The following ARHGAP10 variants were observed in gnomAD, a reference collection of about 807,000 sequenced individuals.
ARHGAP10 encodes rho GTPase-activating protein 10.
In ARHGAP10, 87 loss-of-function variants were observed where a neutral mutation model predicts 108.6. That is an observed-to-expected ratio of 0.80 (90% CI 0.67 to 0.96). The LOEUF is 0.96. Among genes scored for constraint, ARHGAP10 ranks in the 40% least tolerant of loss-of-function variants. The pLI is 0.00. For missense variants in ARHGAP10, 939 were observed against 954.5 expected (o/e 0.98, Z 0.21); for synonymous variants, 347 against 341.1 (o/e 1.02, Z -0.19).
Position 148,023,395 on chromosome 4 carries a change from T to C in ARHGAP10, c.1849T>C (p.Cys617Arg). 6.2e-7 allele frequency: 1 copy of C among 1,613,664 alleles called. No homozygotes were observed. Among genetic ancestry groups the C allele is most frequent in the Middle Eastern group, 1.7e-4 (1 of 6,054 alleles). Residue 617 changes from cysteine (C) to arginine (R), a missense_variant, in exon 19 of 23, where the codon TGT becomes CGT. Physicochemically the swap from Cys to Arg is radical, Grantham distance 180. Coordinates refer to ENST00000336498, the MANE Select transcript of ARHGAP10 (RefSeq NM_024605.4). ...TKRPVAVYNL[C>R]LELEDGDNPY... ...GAGGCCCGTGGCCGTCTACAATCTTTGTCTGGAGCTGGAAGATGGTAAGAT... is the reference window on the plus strand; with the variant it reads ...GAGGCCCGTGGCCGTCTACAATCTTCGTCTGGAGCTGGAAGATGGTAAGAT...
At chr4:147,852,824 T>TA (rs1579117724) in intron 4 of ARHGAP10, among the ~76,000 whole-genome samples, 1 of 151,230 alleles carries the variant, frequency 6.6e-6, no homozygotes, top group African/African-American at 2.4e-5. Context: ...GTTCAAGTGA[T>TA]TCTCGTGCCT....
intron 12 of ARHGAP10, among the ~76,000 whole-genome samples, 167 bp downstream of exon 12, chr4:147,909,944 C>T (rs181432165): frequency 1.7e-4 from 26 of 152,254 alleles, no homozygotes; most frequent in African/African-American, 5.3e-4. Context: ...TTTTACTCAA[C>T]GGGGACCTCC....
intron 1 of ARHGAP10, among the ~76,000 whole-genome samples, chr4:147,742,072 A>G (rs1403267079): frequency 2.0e-5 from 3 of 152,126 alleles, no homozygotes; most frequent in African/African-American, 7.2e-5. Flanking sequence ...GTGGCAAGTC[A>G]TGGTGAGATG....
At chr4:147,841,888 T>G (rs528683473) in intron 3 of ARHGAP10, among the ~76,000 whole-genome samples, 1 of 152,184 alleles carries the variant, frequency 6.6e-6, no homozygotes. Flanking sequence ...TTTTGGAAAT[T>G]TGCTTACCGA....
At chr4:147,785,403 C>A (rs1032509346) in intron 1 of ARHGAP10, among the ~76,000 whole-genome samples, 3 of 152,054 alleles carry the variant, frequency 2.0e-5, no homozygotes, top group Non-Finnish European at 4.4e-5. Context: ...GCCTTGAGAA[C>A]TTTAGGCATA....
In ARHGAP10 at chr4:147,895,512, CAAA is replaced by C. The variant is rs70958593; in HGVS notation, c.1035-11105_1035-11103del. On this transcript the variant is annotated intron_variant, in intron 10 of 22. Transcript: ENST00000336498. ...GTAATGAGATAATGAGACCCTGTCT[CAAA>C]AAAAAAAAAAAAAAAAAAAATTAGC... Among the ~76,000 whole-genome samples the C allele has an allele frequency of 7.6e-3, 652 of 85,270 alleles. 4 individuals are homozygous for C. The highest frequency in any genetic ancestry group is 0.031 in the African/African-American group (626 of 20,260). 55.9% of individuals were successfully genotyped at this position (85,270 alleles called of 152,430 possible).
At chr4:148,062,348 C>T (rs1401882463) in intron 20 of ARHGAP10, among the ~76,000 whole-genome samples, 3 of 152,292 alleles carry the variant, frequency 2.0e-5, no homozygotes, top group Non-Finnish European at 4.4e-5. Flanking sequence ...TAGCAGAAGA[C>T]GGGGTATCTT....
intron 17 of ARHGAP10, among the ~76,000 whole-genome samples, chr4:147,965,511 A>C (rs968142465): frequency 2.0e-5 from 3 of 152,172 alleles, no homozygotes; most frequent in African/African-American, 7.2e-5. Flanking sequence ...TATTTTATAG[A>C]TTTCATTCCC....
At chr4:147,985,139 G>A (rs1739987211) in intron 18 of ARHGAP10, among the ~76,000 whole-genome samples, 1 of 152,130 alleles carries the variant, frequency 6.6e-6, no homozygotes. Flanking sequence ...GAGCAGAGAG[G>A]GCCCTGCTGC....
intron 20 of ARHGAP10, among the ~76,000 whole-genome samples, chr4:148,049,298 C>T (rs1005186168): frequency 6.6e-5 from 10 of 152,146 alleles, no homozygotes; most frequent in South Asian, 2.1e-4. Context: ...TCCCAGGTGA[C>T]GATGAATGAG....
At chr4:148,043,299 C>T (rs974036834) in intron 19 of ARHGAP10, among the ~76,000 whole-genome samples, 1 of 151,868 alleles carries the variant, frequency 6.6e-6, no homozygotes, top group Non-Finnish European at 1.5e-5. Flanking sequence ...TCCTTTGGTA[C>T]CATTTTTGTT....
In ARHGAP10 at chr4:147,946,490, A is replaced by ATG. The variant is rs1738384460; in HGVS notation, c.1304-127_1304-126insTG. 32 of 654,328 alleles carry ATG rather than the reference A, an allele frequency of 4.9e-5. No homozygotes were observed. In the South Asian group the frequency reaches 6.9e-4, roughly 14 times the overall value. 40.5% of individuals were successfully genotyped at this position (654,328 alleles called of 1,614,324 possible). ...AGTATTTTAGAGAAATCATATATATAATGTTTTCCTAGGAAACTGCAGGAT... is the reference window on the plus strand; with the variant it reads ...AGTATTTTAGAGAAATCATATATATATGATGTTTTCCTAGGAAACTGCAGGAT... On this transcript the variant is annotated intron_variant, in intron 14 of 22. Coordinates refer to ENST00000336498, the MANE Select transcript of ARHGAP10 (RefSeq NM_024605.4).
chr4:147,999,516 C>T (rs1578775108), intron 18 of ARHGAP10, among the ~76,000 whole-genome samples: 1 of 152,192 alleles, frequency 6.6e-6, no homozygotes, highest in South Asian at 2.1e-4. Context: ...CTGCTGTGCT[C>T]CTGATCCAGT....
intron 18 of ARHGAP10, among the ~76,000 whole-genome samples, chr4:147,981,574 A>C (rs1739808084): frequency 6.6e-6 from 1 of 152,194 alleles, no homozygotes; most frequent in Non-Finnish European, 1.5e-5. Context: ...AGGTCCGGTT[A>C]GTCAAGTGTT....
At chr4:147,863,309 AAC>A (rs1734406671) in intron 5 of ARHGAP10, 1 of 152,210 alleles carries the variant, frequency 6.6e-6, no homozygotes, top group Non-Finnish European at 1.5e-5. Flanking sequence ...CTATGAATTT[AAC>A]TACTCTAGGT....
intron 1 of ARHGAP10, among the ~76,000 whole-genome samples, chr4:147,748,915 T>TGG (rs1729038380): frequency 6.6e-6 from 1 of 152,116 alleles, no homozygotes; most frequent in African/African-American, 2.4e-5. Flanking sequence ...GCTGTGATCA[T>TGG]GCCACTGTAT....
chr4:147,837,643 G>GTTTTT (rs59933316), intron 3 of ARHGAP10, among the ~76,000 whole-genome samples: 1,114 of 70,212 alleles, frequency 0.016, 56 homozygotes, highest in African/African-American at 0.039. Flanking sequence ...TCTGGTCACT[G>GTTTTT]TTTTTTTTTT....
chr4:147,811,390 C>T (rs940011918), intron 1 of ARHGAP10, among the ~76,000 whole-genome samples: 3 of 152,176 alleles, frequency 2.0e-5, no homozygotes, highest in Non-Finnish European at 2.9e-5. Context: ...GTTTGGTCTA[C>T]CTGAGGCATG....
rs1317088423 is a variant in ARHGAP10, at chr4:147,732,236, C to T, written c.-66C>T. The T allele has an allele frequency of 2.8e-6, 4 of 1,430,798 alleles. No individual in the cohort carries two copies. The highest frequency in any genetic ancestry group is 2.9e-5 in the East Asian group (1 of 34,902). 88.6% of individuals were successfully genotyped at this position (1,430,798 alleles called of 1,614,324 possible). A position where few individuals can be genotyped will look rare whatever the true frequency, so the allele number is the denominator to read the frequency against. On this transcript the variant is annotated 5_prime_UTR_variant, in exon 1 of 23. Transcript: ENST00000336498. Reference sequence around the variant, plus strand: ...GAACGCGCGGCGCCGCACCTGGCAGCGGCCTCGGAGCTCGGCTCGGGCAGG... The same window carrying T: ...GAACGCGCGGCGCCGCACCTGGCAGTGGCCTCGGAGCTCGGCTCGGGCAGG...
Sources: allele counts gnomAD v4.1 joint callset (sites outside exome capture counted in the v4.1 genomes callset), GRCh38; gene constraint gnomAD v4.1.1; transcripts MANE v1.5; gene names NCBI Gene and HGNC (gene_info 2026-07-23, HGNC 2026-07-21).